ZNF512: variants seen among roughly 807,000 people sequenced by gnomAD.
The protein encoded by ZNF512 is zinc finger protein 512.
A neutral mutation model predicts 77.5 loss-of-function variants in ZNF512; 25 were observed. The observed-to-expected ratio is 0.32, with a 90% CI of 0.23 to 0.45. The LOEUF (loss-of-function observed/expected upper bound fraction) is 0.45. Among genes scored for constraint, ZNF512 ranks in the 20% least tolerant of loss-of-function variants. The probability of loss-of-function intolerance (pLI) is 1.00; values close to 1 mark genes in which losing one functional copy is unlikely to be tolerated. For missense variants in ZNF512, 483 were observed against 692.6 expected (o/e 0.70, Z 3.40); for synonymous variants, 246 against 239.9 (o/e 1.03, Z -0.24).
At position 27,619,787 on chromosome 2, in the gene ZNF512, T is replaced by G. The variant is rs577254152; in HGVS notation, c.1396-1366T>G. ...TTTTCTCCTCCCTTAAAGGCTTACT[T>G]TAAAGCAAATTCCACATAAAATTTC... On this transcript the variant is annotated intron_variant, in intron 13 of 13. Transcript: ENST00000355467. Among the ~76,000 whole-genome samples the G allele has an allele frequency of 3.9e-5, 6 of 152,332 alleles. No individual in the cohort carries two copies. In the South Asian group the frequency reaches 1.2e-3, roughly 32 times the overall value.
At chr2:27,611,980 G>C (rs554541040) in intron 10 of ZNF512, among the ~76,000 whole-genome samples, 5 of 152,230 alleles carry the variant, frequency 3.3e-5, no homozygotes, top group African/African-American at 4.8e-5. Flanking sequence ...ACCACCGTGC[G>C]TGGCCGCCTG....
chr2:27,599,724 T>C (rs1312010554), intron 4 of ZNF512, 46 bp downstream of exon 4: 4 of 1,547,466 alleles, frequency 2.6e-6, no homozygotes, highest in Non-Finnish European at 3.6e-6. Context: ...GTGACTGAGC[T>C]TTATTCTTTG....
intron 2 of ZNF512, among the ~76,000 whole-genome samples, chr2:27,591,634 C>T (rs1030288229): frequency 1.1e-4 from 16 of 152,206 alleles, no homozygotes; most frequent in African/African-American, 3.6e-4. Context: ...TGGTCTTGAT[C>T]TCTTGCCCTT....
intron 2 of ZNF512, among the ~76,000 whole-genome samples, chr2:27,596,538 T>G (rs139023800): frequency 6.3e-4 from 96 of 152,368 alleles, no homozygotes; most frequent in Middle Eastern, 3.4e-3. Context: ...CAAGTGGGGT[T>G]CATCCTCATT....
chr2:27,594,211 C>T (rs1671731906), intron 2 of ZNF512, among the ~76,000 whole-genome samples: 1 of 149,298 alleles, frequency 6.7e-6, no homozygotes, highest in Non-Finnish European at 1.5e-5. Context: ...CTCCTCACCT[C>T]CCGGACAGGG....
At chr2:27,605,661 A>G (rs905809459) in intron 9 of ZNF512, among the ~76,000 whole-genome samples, 5 of 151,900 alleles carry the variant, frequency 3.3e-5, no homozygotes, top group African/African-American at 1.2e-4. Context: ...TTTATAGTAG[A>G]GATGGGTGTT....
intron 9 of ZNF512, among the ~76,000 whole-genome samples, chr2:27,606,702 A>G (rs1423072972): frequency 6.6e-6 from 1 of 152,122 alleles, no homozygotes; most frequent in African/African-American, 2.4e-5. Context: ...ATCACCACAA[A>G]CTGAATGGCT....
Position 27,621,519 on chromosome 2 carries a change from C to A in ZNF512, c.*58C>A. ...GATGTGATGCTGTTGTCACGGGGAC[C>A]TGTGCTGGGAGGACTGAGTGAAGAT... On this transcript the variant is annotated 3_prime_UTR_variant, in exon 14 of 14. Transcript: ENST00000355467. The A allele has an allele frequency of 1.3e-6, 2 of 1,515,782 alleles. No individual in the cohort carries two copies. Among genetic ancestry groups the A allele is most frequent in the South Asian group, 2.5e-5 (2 of 78,636 alleles). The allele number at this position is 1,515,782 out of a possible 1,614,324, so 93.9% of individuals were successfully genotyped here. A position where few individuals can be genotyped will look rare whatever the true frequency, so the allele number is the denominator to read the frequency against.
intron 2 of ZNF512, among the ~76,000 whole-genome samples, chr2:27,585,956 G>T (rs1206369485): frequency 6.6e-6 from 1 of 152,140 alleles, no homozygotes; most frequent in Non-Finnish European, 1.5e-5. Context: ...CTTGAGAATT[G>T]TTTTTGTTGA....
chr2:27,599,212 A>G (rs1031494752), intron 3 of ZNF512, among the ~76,000 whole-genome samples: 4 of 152,128 alleles, frequency 2.6e-5, no homozygotes, highest in African/African-American at 9.7e-5. Flanking sequence ...AGGATTATTC[A>G]GGGGAGAATA....
chr2:27,583,717 G>A lies in ZNF512; in HGVS notation c.89+1G>A. The stretch of plus-strand genomic sequence containing the variant: ...GCACGAGGATCGTGGGAGCTAAGAA[G>A]TAAGTGAGGTTTTCTAAGGTCCTTT... On this transcript the variant is annotated splice_donor_variant, in intron 2 of 13. Transcript: ENST00000355467. LOFTEE classifies it high-confidence loss of function. 6.2e-7 allele frequency: 1 copy of A among 1,613,878 alleles called. No individual in the cohort carries two copies. Among genetic ancestry groups the A allele is most frequent in the Non-Finnish European group, 8.5e-7 (1 of 1,179,954 alleles).
At position 27,600,121 on chromosome 2, in the gene ZNF512, G is replaced by C. The variant is rs531260810; in HGVS notation, c.457+68G>C. 5 of 1,527,042 alleles carry C rather than the reference G, an allele frequency of 3.3e-6. No homozygotes were observed. The East Asian group carries it at 1.2e-4, about 35-fold the overall frequency. 94.6% of individuals were successfully genotyped at this position (1,527,042 alleles called of 1,614,324 possible). Reference sequence around the variant, plus strand: ...CTCTGATTTGTTGTTGGTGTTGTCTGTGAAGGAATGAGGTACTAAAGCATT... The same window carrying C: ...CTCTGATTTGTTGTTGGTGTTGTCTCTGAAGGAATGAGGTACTAAAGCATT... On this transcript the variant is annotated intron_variant, in intron 5 of 13. Transcript: ENST00000355467.
intron 10 of ZNF512, among the ~76,000 whole-genome samples, chr2:27,614,875 T>C (rs1049425740): frequency 3.6e-4 from 54 of 152,086 alleles, no homozygotes; most frequent in African/African-American, 1.1e-3. Flanking sequence ...TTTTAACACA[T>C]ATTTTAATTC....
At chr2:27,584,740 A>G (rs1355596885) in intron 2 of ZNF512, among the ~76,000 whole-genome samples, 1 of 152,228 alleles carries the variant, frequency 6.6e-6, no homozygotes, top group Non-Finnish European at 1.5e-5. Flanking sequence ...AGAGAACAGC[A>G]TGTGAACGTG....
In ZNF512 at chr2:27,583,343, G is replaced by T. The variant is rs1296319265; in HGVS notation, c.30+201G>T. 7 of 1,285,668 alleles carry T rather than the reference G, an allele frequency of 5.4e-6. No homozygotes were observed. The Admixed American group carries it at 1.3e-4, about 24-fold the overall frequency. 79.6% of individuals were successfully genotyped at this position (1,285,668 alleles called of 1,614,324 possible). A position where few individuals can be genotyped will look rare whatever the true frequency, so the allele number is the denominator to read the frequency against. ...CCCACCTCCTTGGATTTAATTCCTCGCCACATTACCATTAGTTTCTATTCC... is the reference window on the plus strand; with the variant it reads ...CCCACCTCCTTGGATTTAATTCCTCTCCACATTACCATTAGTTTCTATTCC... On this transcript the variant is annotated intron_variant, in intron 1 of 13. Coordinates refer to ENST00000355467, the MANE Select transcript of ZNF512 (RefSeq NM_032434.4).
Position 27,617,462 on chromosome 2 carries a change from C to T in ZNF512, c.1297-11C>T, listed in dbSNP as rs1452079114. The T allele has an allele frequency of 8.4e-7, 1 of 1,183,862 alleles. No homozygotes were observed. The allele number at this position is 1,183,862 out of a possible 1,614,324, so 73.3% of individuals were successfully genotyped here. ...ACCAGTAATTCTTTTTTGTTTCTCT[C>T]TTGGAAATAGGGAAACTTTGTGGCT... On this transcript the variant is annotated splice_polypyrimidine_tract_variant and intron_variant, in intron 12 of 13. Coordinates refer to ENST00000355467, the MANE Select transcript of ZNF512 (RefSeq NM_032434.4).
intron 10 of ZNF512, among the ~76,000 whole-genome samples, chr2:27,609,901 CAT>C (rs1408687527): frequency 4.0e-4 from 60 of 149,760 alleles, no homozygotes; most frequent in South Asian, 1.9e-3. Flanking sequence ...AGGTGGGACA[CAT>C]GTGTAGTCCC....
At chr2:27,605,633 A>C (rs781301410) in intron 9 of ZNF512, among the ~76,000 whole-genome samples, 2 of 151,606 alleles carry the variant, frequency 1.3e-5, no homozygotes, top group Non-Finnish European at 2.9e-5. Context: ...GTGCCACCTC[A>C]CCCAGCTAAT....
chr2:27,608,818 T>C (rs952786450), intron 10 of ZNF512, among the ~76,000 whole-genome samples: 5 of 151,902 alleles, frequency 3.3e-5, no homozygotes, highest in African/African-American at 9.7e-5. Flanking sequence ...TTATGTCTTA[T>C]AAGAAAATAA....
Sources: gnomAD v4.1 joint callset for allele counts (sites outside exome capture counted in the v4.1 genomes callset) on GRCh38, gnomAD v4.1.1 for gene constraint, MANE v1.5 for transcripts, NCBI Gene and HGNC (gene_info 2026-07-23, HGNC 2026-07-21) for gene names.